ZNF346: variants seen among roughly 807,000 people sequenced by gnomAD.
The protein encoded by ZNF346 is double-stranded RNA-binding zinc finger protein JAZ.
In ZNF346, 23 loss-of-function variants were observed where a neutral mutation model predicts 33.7. The ratio of observed to expected loss-of-function variants is 0.68; its 90% CI spans 0.49 to 0.97. The LOEUF is 0.97. Among genes scored for constraint, ZNF346 ranks in the 50% least tolerant of loss-of-function variants. The pLI, the probability that ZNF346 is intolerant of heterozygous loss-of-function variation, is 0.00. For missense variants in ZNF346, 340 were observed against 371.1 expected, an observed-to-expected ratio of 0.92 and a Z score of 0.69; for synonymous variants, 134 against 142.4, an observed-to-expected ratio of 0.94 and a Z score of 0.42.
At position 177,050,838 on chromosome 5, in the gene ZNF346, A is replaced by G; in HGVS notation, c.605A>G (p.Gln202Arg). Residue 202 changes from glutamine to arginine, a missense_variant, in exon 5 of 7, where the codon CAA becomes CGA. Gln to Arg is a conservative substitution (Grantham distance 43, BLOSUM62 1). Transcript: ENST00000358149. ...TTCAACGACCCTGTCATGGCTCAAC[A>G]ACATTATGTGGGCAAGAAACACAGA... Reference protein sequence around the residue: ...ATFNDPVMAQQHYVGKKHRKQ... With the variant: ...ATFNDPVMAQRHYVGKKHRKQ... The G allele has an allele frequency of 6.2e-7, 1 of 1,614,166 alleles. No homozygotes were observed. Among genetic ancestry groups the G allele is most frequent in the Non-Finnish European group, 8.5e-7 (1 of 1,180,020 alleles).
intron 1 of ZNF346, among the ~76,000 whole-genome samples, chr5:177,034,753 A>G (rs530329731): frequency 6.6e-6 from 1 of 152,312 alleles, no homozygotes; most frequent in East Asian, 1.9e-4. Flanking sequence ...TAAAGACCAT[A>G]CTTCTGTGCC....
At chr5:177,056,038 T>C (rs1188517331) in intron 5 of ZNF346, among the ~76,000 whole-genome samples, 5 of 140,746 alleles carry the variant, frequency 3.6e-5, no homozygotes, top group South Asian at 2.2e-4. Flanking sequence ...ATCGTGTCAC[T>C]GCACTCCAGC....
intron 5 of ZNF346, among the ~76,000 whole-genome samples, chr5:177,056,003 G>A (rs1366518133): frequency 1.3e-5 from 2 of 151,030 alleles, no homozygotes; most frequent in Non-Finnish European, 2.9e-5. Context: ...TTGAACCCAG[G>A]AGGAGGAGGT....
In ZNF346 at chr5:177,022,840, G is replaced by T; in HGVS notation, c.102G>T (p.Val34=). 6.5e-7 allele frequency: 1 copy of T among 1,537,134 alleles called. No homozygotes were observed. The change falls in exon 1 of 7, where the codon GTG becomes GTT. Residue 34 remains valine (V), a synonymous_variant. Transcript: ENST00000358149. ...TGGAGGGCCAGGAGCCGGACGGGGT[G>T]CGCTTTGACCGCGAGAGGGCGCGCC... ...ELLEGQEPDG[V]RFDRERARRL... is the part of the protein sequence containing the mutation.
intron 5 of ZNF346, among the ~76,000 whole-genome samples, chr5:177,051,170 CTTTTTTTTTTTTTT>C (rs906484576): frequency 9.5e-6 from 1 of 104,846 alleles, no homozygotes; most frequent in Non-Finnish European, 1.9e-5. Flanking sequence ...GTTTTCTTTT[CTTTTTTTTTTTTTT>C]TTTTTTTTGA....
intron 5 of ZNF346, among the ~76,000 whole-genome samples, chr5:177,056,075 CAA>C (rs386405776): frequency 6.2e-5 from 6 of 97,070 alleles, no homozygotes; most frequent in Non-Finnish European, 4.0e-5. Context: ...GACTCCGTCT[CAA>C]AAAAAAAAAA....
intron 1 of ZNF346, chr5:177,023,254 C>G (rs1444368990): frequency 6.7e-7 from 1 of 1,496,660 alleles, no homozygotes; most frequent in South Asian, 1.2e-5. Flanking sequence ...GCCGAGTGCC[C>G]CTCACCACTC....
At chr5:177,054,925 C>A (rs146802905) in intron 5 of ZNF346, among the ~76,000 whole-genome samples, 1 of 151,250 alleles carries the variant, frequency 6.6e-6, no homozygotes, top group East Asian at 1.9e-4. Context: ...ATAGTAGGTT[C>A]TTTATGGTAA....
chr5:177,080,925 C>T (rs1783953633), exon 9 of ZNF346: 3 of 152,076 alleles, frequency 2.0e-5, no homozygotes, highest in African/African-American at 7.3e-5. Context: ...GTGGAGAAGC[C>T]AAGGTAGAAA....
At chr5:177,024,673 A>G (rs1474822004) in intron 1 of ZNF346, among the ~76,000 whole-genome samples, 2 of 152,234 alleles carry the variant, frequency 1.3e-5, no homozygotes, top group Non-Finnish European at 2.9e-5. Flanking sequence ...TAGTCCAGGA[A>G]GCAGACACCA....
In ZNF346 at chr5:177,041,885, A is replaced by T; in HGVS notation, c.372+15A>T. On this transcript the variant is annotated intron_variant, in intron 3 of 6. Coordinates refer to ENST00000358149, the MANE Select transcript of ZNF346 (RefSeq NM_012279.4). ...ACTCAGATCAGGTAATACAGCTGCCATATTGAGCCCACTTGCTTCATGATG... is the reference window on the plus strand; with the variant it reads ...ACTCAGATCAGGTAATACAGCTGCCTTATTGAGCCCACTTGCTTCATGATG... The T allele has an allele frequency of 6.4e-7, 1 of 1,572,594 alleles. No individual in the cohort carries two copies. Among genetic ancestry groups the T allele is most frequent in the East Asian group, 2.3e-5 (1 of 44,388 alleles).
Position 177,050,932 on chromosome 5 carries a change from T to A in ZNF346, c.699T>A (p.Phe233Leu), listed in dbSNP as rs1280565702. The A allele has an allele frequency of 6.2e-7, 1 of 1,613,720 alleles. No homozygotes were observed. Among genetic ancestry groups the A allele is most frequent in the Admixed American group, 1.7e-5 (1 of 59,982 alleles). ...GRLADPAVTD[F>L]PAGKGYPCKT... ...TGGCGGACCCTGCTGTCACTGACTT[T>A]CCAGGTGAGGGGGCCTAGCTCACAC... is the stretch of plus-strand genomic sequence containing the variant. The change falls in exon 5 of 7, where the codon TTT (phenylalanine) becomes TTA (leucine). Residue 233 changes from phenylalanine (F) to leucine (L), a missense_variant. By Grantham distance (22) the Phe-to-Leu change is conservative. Coordinates refer to ENST00000358149, the MANE Select transcript of ZNF346 (RefSeq NM_012279.4).
chr5:177,030,515 G>T (rs1777529450), intron 1 of ZNF346, among the ~76,000 whole-genome samples: 1 of 151,998 alleles, frequency 6.6e-6, no homozygotes, highest in Non-Finnish European at 1.5e-5. Flanking sequence ...CACCGTGTTA[G>T]CCAGGATGGT....
At chr5:177,044,269 T>G in intron 3 of ZNF346, 120 bp from the exon 4 acceptor site, 4 of 1,061,428 alleles carry the variant, frequency 3.8e-6, no homozygotes, top group Non-Finnish European at 5.5e-6. Flanking sequence ...AGAAAGTAGG[T>G]TGGGGTTAAT....
intron 4 of ZNF346, among the ~76,000 whole-genome samples, chr5:177,050,229 T>C (rs1306646879): frequency 2.6e-5 from 4 of 152,214 alleles, no homozygotes; most frequent in Non-Finnish European, 5.9e-5. Context: ...TGAATGACCT[T>C]GTATGAGCTC....
chr5:177,023,382 C>A, intron 1 of ZNF346: 1 of 658,376 alleles, frequency 1.5e-6, no homozygotes, highest in Non-Finnish European at 2.7e-6. Flanking sequence ...CTGGGTTCCT[C>A]CTGGTCTTGA....
At chr5:177,074,790 G>A (rs902840414) in intron 8 of ZNF346, among the ~76,000 whole-genome samples, 6 of 152,160 alleles carry the variant, frequency 3.9e-5, no homozygotes, top group Non-Finnish European at 7.3e-5. Flanking sequence ...ATTCCTGGCC[G>A]GGCAAGTTGG....
chr5:177,024,617 A>C (rs1305092258), intron 1 of ZNF346, among the ~76,000 whole-genome samples: 4 of 152,184 alleles, frequency 2.6e-5, no homozygotes, highest in Admixed American at 6.5e-5. Flanking sequence ...TCAGAGCTGG[A>C]GTATCAGAGG....
chr5:177,061,529 C>T (rs986281425), intron 5 of ZNF346, among the ~76,000 whole-genome samples: 1 of 152,360 alleles, frequency 6.6e-6, no homozygotes, highest in South Asian at 2.1e-4. Flanking sequence ...AGTTCCCTAT[C>T]CTGGCTCCTC....
Sources: gnomAD v4.1 joint callset for allele counts (sites outside exome capture counted in the v4.1 genomes callset) on GRCh38, gnomAD v4.1.1 for gene constraint, MANE v1.5 for transcripts, NCBI Gene and HGNC (gene_info 2026-07-23, HGNC 2026-07-21) for gene names.